Variants in ZFYVE28 observed in about 807,000 individuals in gnomAD.
The protein encoded by ZFYVE28 is lateral signaling target protein 2 homolog.
Under a neutral mutation model 82.1 loss-of-function variants are expected in ZFYVE28, and 40 were observed. The observed-to-expected ratio is 0.49, with a 90% confidence interval of 0.38 to 0.63. The LOEUF (loss-of-function observed/expected upper bound fraction) is 0.63, where lower values mean the gene tolerates loss of function less well. Ranked by LOEUF, ZFYVE28 falls within the 30% of genes least tolerant of loss-of-function variation. The pLI is 0.00. For missense variants in ZFYVE28, 1,321 were observed against 1,242.1 expected, an observed-to-expected ratio of 1.06 and a Z score of -0.96; for synonymous variants, 612 against 546.1, an observed-to-expected ratio of 1.12 and a Z score of -1.68.
In ZFYVE28 at chr4:2,339,520, T is replaced by A. The variant is rs1266127250; in HGVS notation, c.454A>T (p.Thr152Ser). Residue 152 changes from threonine to serine, a missense_variant, in exon 4 of 13, where the codon ACC becomes TCC. Around this residue, in one of 2 missense-constraint regions of ZFYVE28, gnomAD observed 343 missense variants for 408.4 expected, o/e 0.84. Coordinates refer to ENST00000290974, the MANE Select transcript of ZFYVE28 (RefSeq NM_020972.3). This position sits in a 1 kb window ranked among gnomAD's most constrained non-coding sequence, Gnocchi z 5.0. The stretch of plus-strand genomic sequence containing the variant: ...GCTTCCCTCATCTTCTCTGTGTAGG[T>A]GTTCAGGTCCCGCAGCGCCTGGTCA... Reference protein sequence around the residue: ...LRDQALRDLNTYTEKMREALR... With the variant: ...LRDQALRDLNSYTEKMREALR... 1 of 1,613,814 alleles carries A rather than the reference T, an allele frequency of 6.2e-7. No homozygotes were observed. The highest frequency in any genetic ancestry group is 8.5e-7 in the Non-Finnish European group (1 of 1,179,942).
intron 1 of ZFYVE28, among the ~76,000 whole-genome samples, chr4:2,393,203 T>C (rs1009017895): frequency 3.3e-5 from 5 of 152,184 alleles, no homozygotes; most frequent in Non-Finnish European, 7.3e-5. Flanking sequence ...ACCTGAAATC[T>C]CACCGCATCC....
At chr4:2,274,000 C>T (rs1274136480) in intron 9 of ZFYVE28, 62 bp downstream of exon 9, 2 of 1,583,938 alleles carry the variant, frequency 1.3e-6, no homozygotes, top group East Asian at 4.5e-5. Context: ...CGCCTGACCT[C>T]CCCTAAAGCG....
intron 2 of ZFYVE28, among the ~76,000 whole-genome samples, 166 bp downstream of exon 2, chr4:2,353,767 T>C (rs911301849): frequency 1.3e-5 from 2 of 152,114 alleles, no homozygotes; most frequent in African/African-American, 4.8e-5. Context: ...ACCCCACGCA[T>C]CCTGCCCGGG....
At chr4:2,352,010 A>T (rs1338300681) in intron 2 of ZFYVE28, among the ~76,000 whole-genome samples, 4 of 152,184 alleles carry the variant, frequency 2.6e-5, no homozygotes, top group Admixed American at 2.0e-4. Context: ...AGCGTATATC[A>T]TATCTGCACA....
chr4:2,365,853 G>A (rs779828410), intron 1 of ZFYVE28, among the ~76,000 whole-genome samples: 4 of 152,210 alleles, frequency 2.6e-5, no homozygotes, highest in Middle Eastern at 3.2e-3. Flanking sequence ...ACACAAGCAC[G>A]CATGTTTGTT....
intron 1 of ZFYVE28, among the ~76,000 whole-genome samples, chr4:2,400,449 T>C (rs139698770): frequency 6.6e-6 from 1 of 152,010 alleles, no homozygotes; most frequent in East Asian, 1.9e-4. Flanking sequence ...AATTCGACAG[T>C]AGCCCAGGTC....
chr4:2,305,772 T>A (rs1191815330), intron 7 of ZFYVE28, among the ~76,000 whole-genome samples: 6 of 152,246 alleles, frequency 3.9e-5, no homozygotes, highest in Admixed American at 3.3e-4. Context: ...TAGTACAGTT[T>A]CTTTTTTAAA....
At position 2,270,496 on chromosome 4, in the gene ZFYVE28, G is replaced by T. The variant is rs1735812240; in HGVS notation, c.*229C>A. On this transcript the variant is annotated 3_prime_UTR_variant, in exon 13 of 13. Coordinates refer to ENST00000290974, the MANE Select transcript of ZFYVE28 (RefSeq NM_020972.3). ...CTGAGGCAGCCACCAGGCTCCTCCG[G>T]GTCCCCTGCTGGGCAAAGCTGACCT... The T allele has an allele frequency of 3.3e-6, 2 of 615,330 alleles. No homozygotes were observed. The highest frequency in any genetic ancestry group is 3.1e-5 in the Admixed American group (1 of 32,416). 38.1% of individuals were successfully genotyped at this position (615,330 alleles called of 1,614,324 possible).
At chr4:2,361,599 C>T (rs1726165323) in intron 1 of ZFYVE28, among the ~76,000 whole-genome samples, 1 of 152,132 alleles carries the variant, frequency 6.6e-6, no homozygotes, top group South Asian at 2.1e-4. Context: ...CTGCACAGGG[C>T]ACGGAAGCAC....
At chr4:2,289,410 C>T (rs1020811584) in intron 8 of ZFYVE28, among the ~76,000 whole-genome samples, 5 of 152,344 alleles carry the variant, frequency 3.3e-5, no homozygotes, top group East Asian at 1.9e-4. Context: ...CCCTGGGCCG[C>T]GTAACACAGG....
At chr4:2,331,611 G>A (rs1374206544) in intron 6 of ZFYVE28, among the ~76,000 whole-genome samples, 7 of 152,210 alleles carry the variant, frequency 4.6e-5, no homozygotes, top group African/African-American at 1.7e-4. Flanking sequence ...CCCAGGACGC[G>A]TGTCTCAATC....
rs547381487 is a variant in ZFYVE28 at position 2,401,238 on chromosome 4, G to A, written c.39+17047C>T. ...CACTGCAGGGCCCTGCCACCTTGCA[G>A]TGGTCACAGCTCACACGCAACGACA... is the stretch of plus-strand genomic sequence containing the variant. On this transcript the variant is annotated intron_variant, in intron 1 of 12. Coordinates refer to ENST00000290974, the MANE Select transcript of ZFYVE28 (RefSeq NM_020972.3). Among the ~76,000 whole-genome samples, 6 of 152,354 alleles carry A rather than the reference G, an allele frequency of 3.9e-5. No homozygotes were observed. In the East Asian group the frequency reaches 1.2e-3, roughly 29 times the overall value.
In ZFYVE28 at chr4:2,353,944, G is replaced by A. The variant is rs748075514; in HGVS notation, c.169C>T (p.Arg57Cys). The change falls in exon 2 of 13, where the codon CGC becomes TGC. Residue 57 changes from arginine to cysteine, a missense_variant. Transcript: ENST00000290974. ...GCCCCGTGGCTCACCTGACAGGAGC[G>A]GAACTGGCTGACCAGCAGCGTGCAC... is the stretch of plus-strand genomic sequence containing the variant. ...QRCTLLVSQF[R>C]SCQDNVLNII... The A allele has an allele frequency of 3.2e-6, 5 of 1,544,480 alleles. No individual in the cohort carries two copies. The highest frequency in any genetic ancestry group is 1.9e-5 in the Admixed American group (1 of 52,346).
At chr4:2,303,273 A>C (rs1337680031) in intron 8 of ZFYVE28, among the ~76,000 whole-genome samples, 1 of 152,148 alleles carries the variant, frequency 6.6e-6, no homozygotes, top group Non-Finnish European at 1.5e-5. Context: ...CACGGGAAGA[A>C]GGAGGCGTCT....
At chr4:2,375,878 T>TTC (rs1454996371) in intron 1 of ZFYVE28, among the ~76,000 whole-genome samples, 1 of 30,358 alleles carries the variant, frequency 3.3e-5, no homozygotes, top group East Asian at 1.6e-3. Context: ...GGTCAAATAA[T>TTC]TTTTTTTTTT....
At chr4:2,365,599 C>T (rs898320369) in intron 1 of ZFYVE28, among the ~76,000 whole-genome samples, 1 of 152,138 alleles carries the variant, frequency 6.6e-6, no homozygotes, top group Non-Finnish European at 1.5e-5. Context: ...CTGGCCCAAC[C>T]TGGGGGCAAA....
chr4:2,289,226 G>A (rs571336660), intron 8 of ZFYVE28, among the ~76,000 whole-genome samples: 9 of 152,262 alleles, frequency 5.9e-5, no homozygotes, highest in South Asian at 2.1e-4. Flanking sequence ...AGGTTACAGC[G>A]AGCCAAGATC....
intron 2 of ZFYVE28, among the ~76,000 whole-genome samples, chr4:2,351,244 C>T (rs1246639189): frequency 6.6e-6 from 1 of 152,062 alleles, no homozygotes; most frequent in Non-Finnish European, 1.5e-5. Flanking sequence ...GGGAATGACT[C>T]GGTGTGTGGG....
chr4:2,305,631 G>C (rs1253018211), intron 7 of ZFYVE28, 95 bp from the exon 8 acceptor site: 1 of 1,443,556 alleles, frequency 6.9e-7, no homozygotes, highest in Non-Finnish European at 9.5e-7. Flanking sequence ...GTCTGCACCA[G>C]CAGAACAACA....
Sources: allele counts gnomAD v4.1 joint callset (sites outside exome capture counted in the v4.1 genomes callset), GRCh38; gene constraint gnomAD v4.1.1; regional missense constraint gnomAD v4.1.1; non-coding constraint Gnocchi (gnomAD v3.1); transcripts MANE v1.5; gene names NCBI Gene and HGNC (gene_info 2026-07-23, HGNC 2026-07-21).